The following ZNF385D variants were observed in gnomAD, a reference collection of about 807,000 sequenced individuals.
ZNF385D encodes the protein zinc finger protein 659.
In ZNF385D, 15 loss-of-function variants were observed where a neutral mutation model predicts 35.8. That is an observed-to-expected ratio of 0.42 (90% CI 0.28 to 0.64). ZNF385D has a LOEUF of 0.64. Ranked by LOEUF, ZNF385D falls within the 30% of genes least tolerant of loss-of-function variation. The probability of loss-of-function intolerance (pLI) is 0.23; values close to 1 mark genes in which losing one functional copy is unlikely to be tolerated. For synonymous variants in ZNF385D, 212 were observed against 186.8 expected, an observed-to-expected ratio of 1.13 and a Z score of -1.10; for missense variants, 474 against 494.6, an observed-to-expected ratio of 0.96 and a Z score of 0.39.
chr3:21,836,934 G>C (rs1046928542), intron 3 of ZNF385D, among the ~76,000 whole-genome samples: 36 of 151,900 alleles, frequency 2.4e-4, no homozygotes, highest in African/African-American at 8.2e-4. Context: ...CCCTCCTTGA[G>C]CTGATCCTGT....
intron 3 of ZNF385D, among the ~76,000 whole-genome samples, chr3:22,105,482 C>T (rs1342727173): frequency 6.6e-6 from 1 of 152,014 alleles, no homozygotes; most frequent in African/African-American, 2.4e-5. Context: ...AATATTGGCT[C>T]ACACAATTAC....
At chr3:21,806,435 G>A (rs765970257) in intron 3 of ZNF385D, among the ~76,000 whole-genome samples, 1 of 151,974 alleles carries the variant, frequency 6.6e-6, no homozygotes, top group Non-Finnish European at 1.5e-5. Flanking sequence ...TCGATCTCCT[G>A]ACCTCGTGAT....
intron 3 of ZNF385D, among the ~76,000 whole-genome samples, chr3:21,997,433 G>A (rs1205697597): frequency 6.6e-6 from 1 of 151,836 alleles, no homozygotes; most frequent in Non-Finnish European, 1.5e-5. Flanking sequence ...CACCAACATG[G>A]CACATGTATA....
intron 3 of ZNF385D, among the ~76,000 whole-genome samples, chr3:21,776,480 C>T (rs1375140139): frequency 2.0e-5 from 3 of 151,926 alleles, no homozygotes; most frequent in Admixed American, 6.6e-5. Flanking sequence ...AAATCTGATA[C>T]ACAACAACTA....
chr3:22,344,509 C>T (rs1257152206), intron 2 of ZNF385D, among the ~76,000 whole-genome samples: 1 of 152,112 alleles, frequency 6.6e-6, no homozygotes, highest in Non-Finnish European at 1.5e-5. Context: ...CCTGCCTCAG[C>T]CTCCTGAGTA....
intron 2 of ZNF385D, among the ~76,000 whole-genome samples, chr3:21,639,261 T>C (rs932236853): frequency 6.6e-6 from 1 of 152,066 alleles, no homozygotes; most frequent in Non-Finnish European, 1.5e-5. Context: ...CACTTGCTTA[T>C]TTATTTATTA....
intron 3 of ZNF385D, among the ~76,000 whole-genome samples, chr3:21,937,108 GA>G (rs960864787): frequency 2.0e-5 from 3 of 151,230 alleles, no homozygotes; most frequent in African/African-American, 7.3e-5. Flanking sequence ...CTGCAAGAAA[GA>G]AAAAAAATAT....
rs557614694 is a variant in ZNF385D at position 22,145,292 on chromosome 3, A to T, written c.325+23525T>A. On this transcript the variant is annotated intron_variant, in intron 3 of 5. Coordinates refer to the ZNF385D transcript ENST00000494108. ...CAAAAACCACAATTACTTTTGCATCAACTTAATACAATTTGTGAATCTGAT... is the reference window on the plus strand; with the variant it reads ...CAAAAACCACAATTACTTTTGCATCTACTTAATACAATTTGTGAATCTGAT... 2.6e-5 allele frequency among the ~76,000 whole-genome samples: 4 copies of T among 152,336 alleles called. No individual in the cohort carries two copies. The South Asian group carries it at 8.3e-4, about 32-fold the overall frequency.
At chr3:21,585,321 A>G (rs111844378) in intron 2 of ZNF385D, among the ~76,000 whole-genome samples, 4 of 151,598 alleles carry the variant, frequency 2.6e-5, no homozygotes, top group Non-Finnish European at 4.4e-5. Flanking sequence ...ACTCTTAGTG[A>G]GAGTTACTTT....
chr3:21,771,502 C>A (rs114654861), intron 3 of ZNF385D, among the ~76,000 whole-genome samples: 1 of 151,566 alleles, frequency 6.6e-6, no homozygotes, highest in African/African-American at 2.4e-5. Context: ...AATAAGTCAA[C>A]AGAAATTGTT....
In ZNF385D at chr3:22,221,480, C is replaced by T. The variant is rs370634330; in HGVS notation, c.107-52445G>A. ...GCACATTAAAGTTTGACAAGCATTG[C>T]GTTAGAGTGTTCTTAAGACTGAAAA... On this transcript the variant is annotated intron_variant, in intron 2 of 5. Transcript: ENST00000494108. Among the ~76,000 whole-genome samples the T allele has an allele frequency of 1.6e-3, 250 of 152,120 alleles. 1 individual carries two copies. The highest frequency in any genetic ancestry group is 7.4e-3 in the East Asian group (38 of 5,150).
intron 1 of ZNF385D, among the ~76,000 whole-genome samples, chr3:21,709,664 G>A (rs2068031142): frequency 6.6e-6 from 1 of 152,080 alleles, no homozygotes; most frequent in Non-Finnish European, 1.5e-5. Flanking sequence ...AGTTTTAGCA[G>A]AAGAAAAGTC....
At chr3:21,951,922 G>A (rs1414932586) in intron 3 of ZNF385D, among the ~76,000 whole-genome samples, 1 of 151,580 alleles carries the variant, frequency 6.6e-6, no homozygotes, top group East Asian at 1.9e-4. Flanking sequence ...TGAATGTTAT[G>A]TTTTTCCACA....
At chr3:21,644,333 A>T (rs190856716) in intron 2 of ZNF385D, among the ~76,000 whole-genome samples, 207 of 152,294 alleles carry the variant, frequency 1.4e-3, no homozygotes, top group Non-Finnish European at 2.2e-3. Context: ...ACAGGTGGCC[A>T]GAGACTCTCC....
At chr3:21,475,028 T>C (rs912560138) in intron 4 of ZNF385D, among the ~76,000 whole-genome samples, 5 of 152,078 alleles carry the variant, frequency 3.3e-5, no homozygotes, top group Non-Finnish European at 5.9e-5. Flanking sequence ...TTTTTTCATA[T>C]AGTTTATAGA....
At chr3:21,943,731 G>C (rs912267938) in intron 3 of ZNF385D, among the ~76,000 whole-genome samples, 1 of 152,062 alleles carries the variant, frequency 6.6e-6, no homozygotes, top group Non-Finnish European at 1.5e-5. Context: ...TTACTAACCA[G>C]ATATAATTTT....
At chr3:22,256,047 C>T (rs1576572980) in intron 2 of ZNF385D, among the ~76,000 whole-genome samples, 1 of 151,672 alleles carries the variant, frequency 6.6e-6, no homozygotes, top group Non-Finnish European at 1.5e-5. Flanking sequence ...ACAAGAAAAA[C>T]TGGCTTAGCT....
intron 2 of ZNF385D, among the ~76,000 whole-genome samples, chr3:22,275,410 A>C (rs1197621089): frequency 1.3e-5 from 2 of 152,080 alleles, no homozygotes; most frequent in Admixed American, 6.6e-5. Context: ...ATTCTTCTTT[A>C]ATCAAAGTAA....
At chr3:22,081,632 T>A (rs770697645) in intron 3 of ZNF385D, among the ~76,000 whole-genome samples, 15 of 152,164 alleles carry the variant, frequency 9.9e-5, no homozygotes, top group Non-Finnish European at 1.6e-4. Context: ...CACAGTAAGC[T>A]GGGACCAAAG....
Sources: gnomAD v4.1 joint callset for allele counts (sites outside exome capture counted in the v4.1 genomes callset) on GRCh38, gnomAD v4.1.1 for gene constraint, MANE v1.5 for transcripts, NCBI Gene and HGNC (gene_info 2026-07-23, HGNC 2026-07-21) for gene names.